TBC1D9B: variants seen among roughly 807,000 people sequenced by gnomAD.
TBC1D9B encodes the protein TBC1 domain family, member 9B (with GRAM domain).
In TBC1D9B, 87 loss-of-function variants were observed where a neutral mutation model predicts 121.1. The observed-to-expected ratio is 0.72, with a 90% CI of 0.60 to 0.86. The LOEUF is 0.86. Among genes scored for constraint, TBC1D9B ranks in the 40% least tolerant of loss-of-function variants. The pLI, the probability that TBC1D9B is intolerant of heterozygous loss-of-function variation, is 0.00. For synonymous variants in TBC1D9B, 668 were observed against 670.1 expected, an observed-to-expected ratio of 1.00 and a Z score of 0.05; for missense variants, 1,540 against 1,628.6, an observed-to-expected ratio of 0.95 and a Z score of 0.94.
chr5:179,894,092 G>C (rs1760948238), intron 4 of TBC1D9B, among the ~76,000 whole-genome samples: 1 of 152,214 alleles, frequency 6.6e-6, no homozygotes, highest in Non-Finnish European at 1.5e-5. Flanking sequence ...GGAATCACCA[G>C]GAATTTGGGA....
chr5:179,896,893 CT>C (rs1761035912), intron 3 of TBC1D9B, among the ~76,000 whole-genome samples: 1 of 151,934 alleles, frequency 6.6e-6, no homozygotes, highest in African/African-American at 2.4e-5. Context: ...TAGAGTTTTG[CT>C]TTTTTAAAGA....
chr5:179,887,759 G>A, intron 7 of TBC1D9B: 1 of 326,730 alleles, frequency 3.1e-6, no homozygotes, highest in Non-Finnish European at 5.7e-6. Context: ...ACGCCTGGCA[G>A]GGAAGGTCAT....
At chr5:179,894,671 G>A (rs1325905894) in intron 3 of TBC1D9B, 57 bp from the exon 4 acceptor site, 5 of 1,586,082 alleles carry the variant, frequency 3.2e-6, no homozygotes, top group South Asian at 2.2e-5. Context: ...CAGGTCAAAG[G>A]GTGGAGCAGA....
At chr5:179,897,122 T>C (rs535233694) in intron 3 of TBC1D9B, among the ~76,000 whole-genome samples, 24 of 146,424 alleles carry the variant, frequency 1.6e-4, no homozygotes, top group Middle Eastern at 3.7e-3. Flanking sequence ...TTAGCCAGGA[T>C]GGTCTCGATC....
chr5:179,874,931 G>A lies in TBC1D9B; in HGVS notation c.2157C>T (p.Asp719=), dbSNP rs781547014. The A allele has an allele frequency of 2.1e-5, 34 of 1,613,444 alleles. No homozygotes were observed. The highest frequency in any genetic ancestry group is 3.3e-4 in the Middle Eastern group (2 of 6,084). The change falls in exon 12 of 21, where the codon GAC becomes GAT. Residue 719 remains aspartate (D), a synonymous_variant. Transcript: ENST00000355235. This position sits in a 1 kb window ranked among gnomAD's most constrained non-coding sequence, Gnocchi z 4.3. The stretch of plus-strand genomic sequence containing the variant: ...CCAGCATGGTCATGGCCTCGCCCTC[G>A]TCGCTGCAGCCCAGCAGCTGCTCCA... The part of the protein sequence containing the change: ...ANMEQLLGCS[D]EGEAMTMLGR...
chr5:179,879,199 T>C lies in TBC1D9B; in HGVS notation c.1417-2A>G. ...CTCCTCTTTCATCTTCTCCTTGGCC[T>C]GAGGGAAAAGCGCATCAGGGAGCCT... On this transcript the variant is annotated splice_acceptor_variant, in intron 8 of 20. Coordinates refer to ENST00000355235, the MANE Select transcript of TBC1D9B (RefSeq NM_015043.4). LOFTEE classifies it high-confidence loss of function. 1 of 1,599,178 alleles carries C rather than the reference T, an allele frequency of 6.3e-7. No individual in the cohort carries two copies. The highest frequency in any genetic ancestry group is 8.5e-7 in the Non-Finnish European group (1 of 1,178,568).
In TBC1D9B at chr5:179,870,453, T is replaced by C. The variant is rs746591840; in HGVS notation, c.2527A>G (p.Met843Val). 5.0e-6 allele frequency: 8 copies of C among 1,612,704 alleles called. No individual in the cohort carries two copies. In the East Asian group the frequency reaches 8.9e-5, roughly 18 times the overall value. Residue 843 changes from methionine to valine, a missense_variant, in exon 16 of 21, where the codon ATG (methionine) becomes GTG (valine). By Grantham distance (21) the Met-to-Val change is conservative. Transcript: ENST00000355235. ...AGGCTGGGGTCCCGACGGCCGGCCA[T>C]TGTGCGGCTGCACCCCCAGTACTGG... ...ASQYWGCSRT[M>V]AGRRDPSLPY...
rs913780622 is a variant in TBC1D9B, at chr5:179,907,207, C to G, written c.118+497G>C. ...GGGGGAATGGGGGTGCGGCCAGCTC[C>G]AGGGACCTCTGATCTTGCTAAAAGG... On this transcript the variant is annotated intron_variant, in intron 1 of 20. Coordinates refer to ENST00000355235, the MANE Select transcript of TBC1D9B (RefSeq NM_015043.4). This position sits in a 1 kb window ranked among gnomAD's most constrained non-coding sequence, Gnocchi z 5.3. Among the ~76,000 whole-genome samples, 2 of 152,166 alleles carry G rather than the reference C, an allele frequency of 1.3e-5. No individual in the cohort carries two copies. The highest frequency in any genetic ancestry group is 2.9e-5 in the Non-Finnish European group (2 of 68,016).
chr5:179,903,284 GGGT>G (rs1195319904), intron 2 of TBC1D9B, among the ~76,000 whole-genome samples: 1 of 151,546 alleles, frequency 6.6e-6, no homozygotes, highest in Non-Finnish European at 1.5e-5. Flanking sequence ...TGGAGGTACC[GGGT>G]GGTTCAGGCA....
In TBC1D9B at chr5:179,870,443, C is replaced by T. The variant is rs529462709; in HGVS notation, c.2537G>A (p.Arg846His). ...CAGGTAGGGCAGGCTGGGGTCCCGA[C>T]GGCCGGCCATTGTGCGGCTGCACCC... ...YWGCSRTMAG[R>H]RDPSLPYLEQ... The change falls in exon 16 of 21, where the codon CGT (arginine) becomes CAT (histidine). Residue 846 changes from arginine (R) to histidine (H), a missense_variant. Coordinates refer to ENST00000355235, the MANE Select transcript of TBC1D9B (RefSeq NM_015043.4). The T allele has an allele frequency of 2.7e-5, 43 of 1,612,970 alleles. 1 individual carries two copies. Among genetic ancestry groups the T allele is most frequent in the South Asian group, 1.5e-4 (14 of 91,084 alleles).
chr5:179,888,423 G>A, intron 6 of TBC1D9B, 111 bp from the exon 7 acceptor site: 1 of 1,084,104 alleles, frequency 9.2e-7, no homozygotes, highest in South Asian at 1.4e-5. Flanking sequence ...GCACAATGCA[G>A]TGAGTGGCCC....
intron 6 of TBC1D9B, 118 bp from the exon 7 acceptor site, chr5:179,888,430 G>T: frequency 9.7e-7 from 1 of 1,031,030 alleles, no homozygotes; most frequent in Non-Finnish European, 1.4e-6. Flanking sequence ...GCAGTGAGTG[G>T]CCCAACTGTC....
At chr5:179,893,685 C>T (rs1298899351) in intron 4 of TBC1D9B, among the ~76,000 whole-genome samples, 1 of 152,090 alleles carries the variant, frequency 6.6e-6, no homozygotes, top group African/African-American at 2.4e-5. Flanking sequence ...CGGTGAGTGT[C>T]TCCCCCACCA....
rs1203385579 is a variant in TBC1D9B, at chr5:179,890,406, TG to T, written c.1044+972del. ...CAGGTGTCAGGAAGACCCCTAGGCC[TG>T]GGGGACAGGTCAGTACAGTGCCCCG... On this transcript the variant is annotated intron_variant, in intron 6 of 20. Coordinates refer to ENST00000355235, the MANE Select transcript of TBC1D9B (RefSeq NM_015043.4). This position sits in a 1 kb window ranked among gnomAD's most constrained non-coding sequence, Gnocchi z 5.0. Among the ~76,000 whole-genome samples, 2 of 152,142 alleles carry T rather than the reference TG, an allele frequency of 1.3e-5. No individual in the cohort carries two copies. The highest frequency in any genetic ancestry group is 2.9e-5 in the Non-Finnish European group (2 of 68,014).
intron 20 of TBC1D9B, 149 bp from the exon 21 acceptor site, chr5:179,864,277 A>G: frequency 1.3e-6 from 1 of 778,156 alleles, no homozygotes; most frequent in South Asian, 1.9e-5. Context: ...GTCCCATCTC[A>G]CAGATCAGGA....
intron 10 of TBC1D9B, 33 bp from the exon 11 acceptor site, chr5:179,876,070 G>T: frequency 6.3e-7 from 1 of 1,585,206 alleles, no homozygotes. Flanking sequence ...GGGAAGGCTT[G>T]CACTGCTGGC....
Position 179,907,723 on chromosome 5 carries a change from G to A in TBC1D9B, c.99C>T (p.Gly33=), listed in dbSNP as rs1346970740. 2.4e-5 allele frequency: 28 copies of A among 1,182,650 alleles called. No homozygotes were observed. The highest frequency in any genetic ancestry group is 3.0e-5 in the Non-Finnish European group (28 of 931,392). The allele number at this position is 1,182,650 out of a possible 1,614,324, so 73.3% of individuals were successfully genotyped here. The change falls in exon 1 of 21, where the codon GGC becomes GGT. Residue 33 remains glycine (G), a synonymous_variant. Transcript: ENST00000355235. This position sits in a 1 kb window ranked among gnomAD's most constrained non-coding sequence, Gnocchi z 5.3. The part of the protein sequence containing the change: ...FFVLQRRRGH[G]RGGGLTGLLV... ...TCTCACCCGTAAGGCCGCCGCCCCTGCCGTGGCCCCGGCGTCGCTGCAGCA... is the reference window on the plus strand; with the variant it reads ...TCTCACCCGTAAGGCCGCCGCCCCTACCGTGGCCCCGGCGTCGCTGCAGCA...
At chr5:179,899,850 C>T (rs1270012688) in intron 2 of TBC1D9B, among the ~76,000 whole-genome samples, 1 of 152,170 alleles carries the variant, frequency 6.6e-6, no homozygotes, top group East Asian at 1.9e-4. Flanking sequence ...TCTTCAGTTT[C>T]TCCTGGCCAC....
At chr5:179,893,169 G>C in intron 5 of TBC1D9B, 40 bp downstream of exon 5, 1 of 1,561,148 alleles carries the variant, frequency 6.4e-7, no homozygotes, top group African/African-American at 1.4e-5. Flanking sequence ...CAGCGAACCT[G>C]GCTCACATGA....
Sources: allele counts gnomAD v4.1 joint callset (sites outside exome capture counted in the v4.1 genomes callset), GRCh38; gene constraint gnomAD v4.1.1; non-coding constraint Gnocchi (gnomAD v3.1); transcripts MANE v1.5; gene names NCBI Gene and HGNC (gene_info 2026-07-23, HGNC 2026-07-21).